NOVA1: variants seen among roughly 807,000 people sequenced by gnomAD.
NOVA1 encodes the protein RNA-binding protein Nova-1.
NOVA1 carries 7 observed loss-of-function variants against 38.0 expected under a neutral mutation model. The ratio of observed to expected loss-of-function variants is 0.18; its 90% CI spans 0.10 to 0.35. NOVA1 has a LOEUF of 0.35. NOVA1 is among the 10% of genes least tolerant of loss of function. NOVA1 has a pLI of 1.00. For synonymous variants in NOVA1, 270 were observed against 232.5 expected (o/e 1.16, Z -1.47); for missense variants, 460 against 616.0 (o/e 0.75, Z 2.68).
intron 4 of NOVA1, among the ~76,000 whole-genome samples, chr14:26,458,382 T>C (rs1883353926): frequency 6.6e-6 from 1 of 152,144 alleles, no homozygotes; most frequent in African/African-American, 2.4e-5. Flanking sequence ...TGTACTAGTA[T>C]GTTCATCACA....
intron 2 of NOVA1, among the ~76,000 whole-genome samples, chr14:26,591,390 T>G (rs967262320): frequency 6.6e-6 from 1 of 151,722 alleles, no homozygotes; most frequent in East Asian, 1.9e-4. Context: ...ATAACTATCC[T>G]ATTAAACCCA....
intron 3 of NOVA1, among the ~76,000 whole-genome samples, chr14:26,478,860 GA>G (rs931696232): frequency 6.6e-6 from 1 of 151,608 alleles, no homozygotes; most frequent in Admixed American, 6.6e-5. Context: ...AACATAAAGG[GA>G]TTTTTTTAAA....
At position 26,597,372 on chromosome 14, in the gene NOVA1, G is replaced by A. The variant is rs771181305; in HGVS notation, c.65C>T (p.Pro22Leu). 4.7e-6 allele frequency: 6 copies of A among 1,275,382 alleles called. No homozygotes were observed. Among genetic ancestry groups the A allele is most frequent in the Non-Finnish European group, 6.0e-6 (6 of 1,002,566 alleles). The allele number at this position is 1,275,382 out of a possible 1,614,324, so 79.0% of individuals were successfully genotyped here. Residue 22 changes from proline (P) to leucine (L), a missense_variant, in exon 1 of 5, where the codon CCG (proline) becomes CTG (leucine). By Grantham distance (98) the Pro-to-Leu change is moderately conservative. Coordinates refer to ENST00000539517, the MANE Select transcript of NOVA1 (RefSeq NM_002515.3). ...THTGVPIDLDPPDSRKRPLEA... is the reference protein window; with the variant it reads ...THTGVPIDLDLPDSRKRPLEA... ...CAGCGGCCTTTTCCGCGAGTCCGGC[G>A]GGTCCAGGTCTATGGGAACCCCAGT... is the stretch of plus-strand genomic sequence containing the variant.
rs549141507 is a variant in NOVA1, at chr14:26,475,042, A to T, written c.448-2651T>A. Among the ~76,000 whole-genome samples, 405 of 152,250 alleles carry T rather than the reference A, an allele frequency of 2.7e-3. 1 individual carries two copies. Among genetic ancestry groups the T allele is most frequent in the Non-Finnish European group, 3.9e-3 (263 of 68,002 alleles). On this transcript the variant is annotated intron_variant, in intron 3 of 4. Transcript: ENST00000539517. The stretch of plus-strand genomic sequence containing the variant: ...TATACTAAAGTAATACTTGTAAAAG[A>T]TTATTAAATTAATGGAACAGGTGTG...
At chr14:26,540,809 A>G (rs1890421148) in intron 2 of NOVA1, among the ~76,000 whole-genome samples, 1 of 152,200 alleles carries the variant, frequency 6.6e-6, no homozygotes, top group South Asian at 2.1e-4. Context: ...AGTTGAGTGA[A>G]CTCAGAAATG....
chr14:26,491,401 G>C (rs1344982131), intron 2 of NOVA1, among the ~76,000 whole-genome samples: 1 of 152,038 alleles, frequency 6.6e-6, no homozygotes, highest in Admixed American at 6.6e-5. Context: ...GGTTGTCTTT[G>C]TTAATGTCCT....
At chr14:26,574,160 G>A in intron 2 of NOVA1, among the ~76,000 whole-genome samples, 1 of 151,226 alleles carries the variant, frequency 6.6e-6, no homozygotes, top group Non-Finnish European at 1.5e-5. Context: ...CAAGCAGCTG[G>A]GATTACAGGC....
intron 4 of NOVA1, among the ~76,000 whole-genome samples, chr14:26,462,343 A>C (rs1288036499): frequency 1.3e-5 from 2 of 152,126 alleles, no homozygotes; most frequent in Non-Finnish European, 2.9e-5. Flanking sequence ...GTAAAGTCTC[A>C]ATGAATTAAC....
chr14:26,470,142 G>C, intron 4 of NOVA1: 1 of 694,070 alleles, frequency 1.4e-6, no homozygotes, highest in Non-Finnish European at 1.8e-6. Flanking sequence ...TTTTATTTTT[G>C]GTTTTCTGAA....
intron 2 of NOVA1, among the ~76,000 whole-genome samples, chr14:26,520,275 C>T (rs375655758): frequency 1.3e-5 from 2 of 152,204 alleles, no homozygotes; most frequent in South Asian, 2.1e-4. Flanking sequence ...GATGCAAAAC[C>T]CATATATGGA....
intron 2 of NOVA1, among the ~76,000 whole-genome samples, chr14:26,509,131 G>A (rs945943001): frequency 1.2e-4 from 18 of 152,054 alleles, no homozygotes; most frequent in Non-Finnish European, 2.4e-4. Flanking sequence ...CCTTATATTA[G>A]GCTGGTTCTT....
intron 2 of NOVA1, among the ~76,000 whole-genome samples, chr14:26,556,651 C>T (rs898746783): frequency 4.6e-5 from 7 of 151,850 alleles, no homozygotes; most frequent in Non-Finnish European, 7.4e-5. Flanking sequence ...ATTGATCAGC[C>T]GGACTTCATT....
At chr14:26,492,994 T>C (rs558941282) in intron 2 of NOVA1, among the ~76,000 whole-genome samples, 1 of 152,052 alleles carries the variant, frequency 6.6e-6, no homozygotes, top group African/African-American at 2.4e-5. Flanking sequence ...CACAACATAT[T>C]TAGAAAAAAA....
chr14:26,495,703 A>G (rs377064614), intron 2 of NOVA1, among the ~76,000 whole-genome samples: 4 of 133,012 alleles, frequency 3.0e-5, no homozygotes, highest in Admixed American at 1.6e-4. Context: ...GTGTCCATGT[A>G]TTCTCATTGT....
chr14:26,455,279 A>T (rs1331828692), intron 4 of NOVA1, among the ~76,000 whole-genome samples: 1 of 152,000 alleles, frequency 6.6e-6, no homozygotes, highest in African/African-American at 2.4e-5. Flanking sequence ...TGCTCCCTAC[A>T]TCTATATGTT....
intron 1 of NOVA1, 49 bp from the exon 2 acceptor site, chr14:26,595,602 T>C: frequency 6.4e-7 from 1 of 1,555,178 alleles, no homozygotes; most frequent in Non-Finnish European, 8.8e-7. Flanking sequence ...TTTCAAACTT[T>C]GTATCCCCTC....
intron 2 of NOVA1, among the ~76,000 whole-genome samples, chr14:26,553,637 G>C (rs1023937008): frequency 2.6e-5 from 4 of 152,150 alleles, no homozygotes; most frequent in African/African-American, 4.8e-5. Flanking sequence ...AAAGAGTGTA[G>C]TGAATGTGAA....
intron 2 of NOVA1, among the ~76,000 whole-genome samples, chr14:26,569,253 A>G (rs1242434068): frequency 6.6e-6 from 1 of 152,212 alleles, no homozygotes; most frequent in Non-Finnish European, 1.5e-5. Flanking sequence ...AAAATCCGAG[A>G]AAGGGTCAAA....
intron 2 of NOVA1, among the ~76,000 whole-genome samples, chr14:26,582,248 A>G (rs1268273604): frequency 1.3e-5 from 2 of 151,874 alleles, no homozygotes. Context: ...CTTTACTTAT[A>G]CCTTAAATTT....
Sources: gnomAD v4.1 joint callset for allele counts (sites outside exome capture counted in the v4.1 genomes callset) on GRCh38, gnomAD v4.1.1 for gene constraint, MANE v1.5 for transcripts, NCBI Gene and HGNC (gene_info 2026-07-23, HGNC 2026-07-21) for gene names.